The following RNU4ATAC variants were observed in gnomAD, a reference collection of about 807,000 sequenced individuals.
RNU4ATAC encodes the protein RNA, U4atac small nuclear (U12-dependent splicing).
In RNU4ATAC at chr2:121,530,925, G is replaced by C. The variant is rs1032667950; in HGVS notation, n.45G>C. On this transcript the variant is annotated non_coding_transcript_exon_variant, in exon 1 of 1. Coordinates refer to ENST00000580972, the Ensembl canonical transcript of RNU4ATAC. ...TGCGCTACTGTCCAATGAGCGCATA[G>C]TGAGGGCAGTACTGCTAACGCCTGA... 17 of 699,948 alleles carry C rather than the reference G, an allele frequency of 2.4e-5. No individual in the cohort carries two copies. The highest frequency in any genetic ancestry group is 3.6e-4 in the Middle Eastern group (1 of 2,758). The allele number at this position is 699,948 out of a possible 1,614,324, so 43.4% of individuals were successfully genotyped here. A position where few individuals can be genotyped will look rare whatever the true frequency, so the allele number is the denominator to read the frequency against.
At position 121,530,907 on chromosome 2, in the gene RNU4ATAC, C is replaced by T. The variant is rs146450524; in HGVS notation, n.27C>T. 93 of 697,654 alleles carry T rather than the reference C, an allele frequency of 1.3e-4. No homozygotes were observed. The highest frequency in any genetic ancestry group is 5.4e-4 in the African/African-American group (31 of 57,236). The allele number at this position is 697,654 out of a possible 1,614,324, so 43.2% of individuals were successfully genotyped here. ...CCATCCTTTTCTTGGGGTTGCGCTA[C>T]TGTCCAATGAGCGCATAGTGAGGGC... On this transcript the variant is annotated non_coding_transcript_exon_variant, in exon 1 of 1. Transcript: ENST00000580972.
At chr2:121,530,906 A>T (rs915710819) in exon 1 of RNU4ATAC, 2 of 697,638 alleles carry the variant, frequency 2.9e-6, no homozygotes, top group Non-Finnish European at 5.2e-6. Context: ...GGGTTGCGCT[A>T]CTGTCCAATG....
exon 1 of RNU4ATAC, chr2:121,530,946 C>A (rs564978047): frequency 1.4e-6 from 1 of 700,280 alleles, no homozygotes; most frequent in African/African-American, 1.7e-5. Flanking sequence ...ACTGCTAACG[C>A]CTGAACAACA....
exon 1 of RNU4ATAC, chr2:121,530,983 T>A (rs773529556): frequency 2.9e-6 from 2 of 700,256 alleles, no homozygotes; most frequent in African/African-American, 3.5e-5. Flanking sequence ...AGCTTTTGCT[T>A]TATTTTGGTG....
Position 121,530,932 on chromosome 2 carries a change from C to G in RNU4ATAC, n.52C>G, listed in dbSNP as rs180755563. 6.1e-5 allele frequency: 43 copies of G among 700,266 alleles called. No homozygotes were observed. Among genetic ancestry groups the G allele is most frequent in the Non-Finnish European group, 1.0e-4 (39 of 384,804 alleles). The allele number at this position is 700,266 out of a possible 1,614,324, so 43.4% of individuals were successfully genotyped here. ...CTGTCCAATGAGCGCATAGTGAGGG[C>G]AGTACTGCTAACGCCTGAACAACAC... is the stretch of plus-strand genomic sequence containing the variant. On this transcript the variant is annotated non_coding_transcript_exon_variant, in exon 1 of 1. Coordinates refer to ENST00000580972, the Ensembl canonical transcript of RNU4ATAC.
exon 1 of RNU4ATAC, chr2:121,530,953 A>C (rs777507405): frequency 5.7e-6 from 4 of 700,316 alleles, no homozygotes; most frequent in Admixed American, 2.0e-5. Context: ...ACGCCTGAAC[A>C]ACACACCCGC....
exon 1 of RNU4ATAC, chr2:121,530,899 T>C (rs1387127438): frequency 1.7e-5 from 12 of 695,334 alleles, no homozygotes; most frequent in South Asian, 1.5e-4. Context: ...TTTCTTGGGG[T>C]TGCGCTACTG....
In RNU4ATAC at chr2:121,530,926, T is replaced by TC. The variant is rs1260402651; in HGVS notation, n.46_47insC. The stretch of plus-strand genomic sequence containing the variant: ...GCGCTACTGTCCAATGAGCGCATAG[T>TC]GAGGGCAGTACTGCTAACGCCTGAA... On this transcript the variant is annotated non_coding_transcript_exon_variant, in exon 1 of 1. Transcript: ENST00000580972. 4.3e-6 allele frequency: 3 copies of TC among 699,828 alleles called. No homozygotes were observed. The highest frequency in any genetic ancestry group is 1.7e-5 in the African/African-American group (1 of 57,160). The allele number at this position is 699,828 out of a possible 1,614,324, so 43.4% of individuals were successfully genotyped here.
At chr2:121,530,920 G>T (rs77516008) in exon 1 of RNU4ATAC, 1 of 699,696 alleles carries the variant, frequency 1.4e-6, no homozygotes, top group Non-Finnish European at 2.6e-6. Context: ...TCCAATGAGC[G>T]CATAGTGAGG....
At chr2:121,530,938 T>TA in exon 1 of RNU4ATAC, 1 of 700,434 alleles carries the variant, frequency 1.4e-6, no homozygotes. Context: ...AGGGCAGTAC[T>TA]GCTAACGCCT....
rs759464523 is a variant in RNU4ATAC, at chr2:121,530,942, A to AT, written n.62_63insT. On this transcript the variant is annotated non_coding_transcript_exon_variant, in exon 1 of 1. Transcript: ENST00000580972. ...AGCGCATAGTGAGGGCAGTACTGCT[A>AT]ACGCCTGAACAACACACCCGCATCA... 10 of 700,302 alleles carry AT rather than the reference A, an allele frequency of 1.4e-5. No individual in the cohort carries two copies. Among genetic ancestry groups the AT allele is most frequent in the Non-Finnish European group, 2.1e-5 (8 of 384,826 alleles). 43.4% of individuals were successfully genotyped at this position (700,302 alleles called of 1,614,324 possible).
chr2:121,530,883 C>G (rs564290155), exon 1 of RNU4ATAC: 1 of 692,168 alleles, frequency 1.4e-6, no homozygotes, highest in African/African-American at 1.8e-5. Context: ...CTATTATAAC[C>G]ATCCTTTTCT....
At chr2:121,530,965 T>TCAACTA in exon 1 of RNU4ATAC, 1 of 700,432 alleles carries the variant, frequency 1.4e-6, no homozygotes, top group Non-Finnish European at 2.6e-6. Context: ...CACACCCGCA[T>TCAACTA]CAACTAGAGC....
exon 1 of RNU4ATAC, chr2:121,530,965 T>A (rs949525537): frequency 2.3e-5 from 16 of 700,314 alleles, no homozygotes; most frequent in South Asian, 1.5e-4. Flanking sequence ...CACACCCGCA[T>A]CAACTAGAGC....
At chr2:121,530,982 T>C (rs770336192) in exon 1 of RNU4ATAC, 9 of 700,250 alleles carry the variant, frequency 1.3e-5, no homozygotes, top group Non-Finnish European at 1.8e-5. Context: ...GAGCTTTTGC[T>C]TTATTTTGGT....
Position 121,530,926 on chromosome 2 carries a change from T to C in RNU4ATAC, n.46T>C, listed in dbSNP as rs767236617. The C allele has an allele frequency of 4.6e-5, 32 of 699,946 alleles. No homozygotes were observed. The highest frequency in any genetic ancestry group is 1.9e-4 in the South Asian group (13 of 67,496). 43.4% of individuals were successfully genotyped at this position (699,946 alleles called of 1,614,324 possible). A position where few individuals can be genotyped will look rare whatever the true frequency, so the allele number is the denominator to read the frequency against. On this transcript the variant is annotated non_coding_transcript_exon_variant, in exon 1 of 1. Transcript: ENST00000580972. ...GCGCTACTGTCCAATGAGCGCATAG[T>C]GAGGGCAGTACTGCTAACGCCTGAA...
At chr2:121,530,960 C>A (rs536019130) in exon 1 of RNU4ATAC, 4 of 700,390 alleles carry the variant, frequency 5.7e-6, no homozygotes, top group African/African-American at 3.5e-5. Context: ...AACAACACAC[C>A]CGCATCAACT....
rs863225423 is a variant in RNU4ATAC at position 121,530,997 on chromosome 2, T to C, written n.117T>C. 31 of 700,202 alleles carry C rather than the reference T, an allele frequency of 4.4e-5. No homozygotes were observed. Among genetic ancestry groups the C allele is most frequent in the Non-Finnish European group, 4.9e-5 (19 of 384,790 alleles). 43.4% of individuals were successfully genotyped at this position (700,202 alleles called of 1,614,324 possible). A position where few individuals can be genotyped will look rare whatever the true frequency, so the allele number is the denominator to read the frequency against. On this transcript the variant is annotated non_coding_transcript_exon_variant, in exon 1 of 1. Coordinates refer to ENST00000580972, the Ensembl canonical transcript of RNU4ATAC. ...GAGCTTTTGCTTTATTTTGGTGCAA[T>C]TTTTGGAAAAATGAAAACCTGTTTT...
At chr2:121,530,906 A>C (rs915710819) in exon 1 of RNU4ATAC, 8 of 697,520 alleles carry the variant, frequency 1.1e-5, no homozygotes, top group East Asian at 1.1e-4. Flanking sequence ...GGGTTGCGCT[A>C]CTGTCCAATG....
Sources: gnomAD v4.1 joint callset for allele counts on GRCh38, gnomAD v4.1.1 for gene constraint, MANE v1.5 for transcripts, NCBI Gene and HGNC (gene_info 2026-07-23, HGNC 2026-07-21) for gene names.